The following WDPCP variants were observed in gnomAD, a reference collection of about 807,000 sequenced individuals.
The protein encoded by WDPCP is WD repeat containing planar cell polarity effector.
In WDPCP, 71 loss-of-function variants were observed where a neutral mutation model predicts 93.1. The ratio of observed to expected loss-of-function variants is 0.76; its 90% confidence interval spans 0.63 to 0.93. The LOEUF (loss-of-function observed/expected upper bound fraction) is 0.93. Ranked by LOEUF, WDPCP falls within the 40% of genes least tolerant of loss-of-function variation. The pLI, the probability that WDPCP is intolerant of heterozygous loss-of-function variation, is 0.00. For missense variants in WDPCP, 844 were observed against 887.4 expected (o/e 0.95, Z 0.62); for synonymous variants, 315 against 315.0 (o/e 1.00, Z 0.00).
At chr2:63,619,846 AG>A (rs1341893669) in intron 3 of WDPCP, among the ~76,000 whole-genome samples, 3 of 152,156 alleles carry the variant, frequency 2.0e-5, no homozygotes, top group African/African-American at 7.2e-5. Context: ...GGGACTGGTT[AG>A]ACAGTGGGTG....
intron 10 of WDPCP, among the ~76,000 whole-genome samples, chr2:63,400,103 A>C (rs1005343504): frequency 2.0e-5 from 3 of 152,226 alleles, no homozygotes; most frequent in African/African-American, 4.8e-5. Context: ...CATAATGTAC[A>C]TTAATTAAAA....
chr2:63,296,462 A>G (rs1041693482), intron 13 of WDPCP, among the ~76,000 whole-genome samples: 1 of 152,196 alleles, frequency 6.6e-6, no homozygotes, highest in Non-Finnish European at 1.5e-5. Flanking sequence ...CAGGCAAGAG[A>G]AAGAAATAAA....
chr2:63,818,618 A>T (rs999476438), intron 1 of WDPCP, among the ~76,000 whole-genome samples: 1 of 152,248 alleles, frequency 6.6e-6, no homozygotes, highest in Non-Finnish European at 1.5e-5. Flanking sequence ...CTTAGCAATG[A>T]AAATGATCTA....
At chr2:63,558,799 C>T (rs1005352729) in intron 1 of WDPCP, among the ~76,000 whole-genome samples, 21 of 139,044 alleles carry the variant, frequency 1.5e-4, no homozygotes, top group African/African-American at 4.9e-4. Flanking sequence ...AATGGCCTAC[C>T]AACCAAAAAA....
At chr2:63,662,014 G>A (rs957707436) in intron 2 of WDPCP, among the ~76,000 whole-genome samples, 3 of 152,114 alleles carry the variant, frequency 2.0e-5, no homozygotes, top group African/African-American at 7.2e-5. Context: ...AAGGTAAGAG[G>A]GGAAGCATAA....
intron 2 of WDPCP, among the ~76,000 whole-genome samples, chr2:63,769,503 AC>A (rs978565450): frequency 6.6e-6 from 1 of 152,006 alleles, no homozygotes; most frequent in African/African-American, 2.4e-5. Context: ...ACCAAAATGG[AC>A]CATATTCTGG....
chr2:63,812,747 T>C (rs1034410478), intron 2 of WDPCP, among the ~76,000 whole-genome samples: 1 of 152,272 alleles, frequency 6.6e-6, no homozygotes, highest in Non-Finnish European at 1.5e-5. Context: ...TGGTAATTTG[T>C]TACATGGCAA....
chr2:63,680,831 G>C (rs1290743409), intron 2 of WDPCP, among the ~76,000 whole-genome samples: 1 of 152,172 alleles, frequency 6.6e-6, no homozygotes, highest in Non-Finnish European at 1.5e-5. Context: ...AGAGGACTTT[G>C]TCTTGAATCT....
At chr2:63,126,666 G>GTTTTTTTTT (rs763749429) in intron 17 of WDPCP, among the ~76,000 whole-genome samples, 9 of 98,114 alleles carry the variant, frequency 9.2e-5, no homozygotes, top group Admixed American at 2.4e-4. Flanking sequence ...CTTGTTTTGT[G>GTTTTTTTTT]TTTTTTTTTT....
intron 14 of WDPCP, among the ~76,000 whole-genome samples, chr2:63,212,449 C>A (rs570955223): frequency 7.9e-5 from 12 of 152,270 alleles, no homozygotes; most frequent in African/African-American, 2.4e-4. Flanking sequence ...GCCTGCCTTA[C>A]AAGAGCTCCT....
intron 1 of WDPCP, among the ~76,000 whole-genome samples, chr2:63,550,240 C>CACACACACACA (rs1705505481): frequency 7.3e-6 from 1 of 136,872 alleles, no homozygotes; most frequent in Non-Finnish European, 1.6e-5. Context: ...CACACACACA[C>CACACACACACA]CCTTCCTCTA....
At chr2:63,575,160 A>G (rs1707824958) in intron 1 of WDPCP, among the ~76,000 whole-genome samples, 1 of 151,694 alleles carries the variant, frequency 6.6e-6, no homozygotes, top group Admixed American at 6.6e-5. Context: ...AACTACCATA[A>G]CAAAACAGAC....
chr2:63,259,231 T>A lies in WDPCP; in HGVS notation c.1915+76A>T, dbSNP rs903187228. On this transcript the variant is annotated intron_variant, in intron 14 of 17. Coordinates refer to ENST00000272321, the MANE Select transcript of WDPCP (RefSeq NM_015910.7). ...AAGTAATTCAAATTAACCATCCATG[T>A]CCTCCAAACATAAATAGAAATGATA... The A allele has an allele frequency of 5.6e-6, 7 of 1,247,070 alleles. No individual in the cohort carries two copies. In the Admixed American group the frequency reaches 8.5e-5, roughly 15 times the overall value. 77.3% of individuals were successfully genotyped at this position (1,247,070 alleles called of 1,614,324 possible).
chr2:63,677,443 T>C (rs567115912), intron 2 of WDPCP, among the ~76,000 whole-genome samples: 1 of 151,792 alleles, frequency 6.6e-6, no homozygotes, highest in Middle Eastern at 3.4e-3. Context: ...AAAATAGCTA[T>C]ACAAACAGAA....
intron 17 of WDPCP, among the ~76,000 whole-genome samples, chr2:63,134,804 T>A (rs1670508717): frequency 6.6e-6 from 1 of 152,188 alleles, no homozygotes; most frequent in Non-Finnish European, 1.5e-5. Flanking sequence ...GTATCTCAGT[T>A]AAGGTCCATT....
intron 1 of WDPCP, among the ~76,000 whole-genome samples, chr2:63,514,833 AT>A (rs1206204956): frequency 6.6e-6 from 1 of 152,166 alleles, no homozygotes; most frequent in Admixed American, 6.5e-5. Flanking sequence ...GAGGGTTTAT[AT>A]TTTAAGACAG....
chr2:63,774,018 A>G (rs981711708), intron 2 of WDPCP, among the ~76,000 whole-genome samples: 1 of 152,158 alleles, frequency 6.6e-6, no homozygotes, highest in African/African-American at 2.4e-5. Context: ...TAGGGATTAT[A>G]TAAAATATTT....
chr2:63,521,143 A>G (rs1702900775), intron 1 of WDPCP, among the ~76,000 whole-genome samples: 1 of 152,228 alleles, frequency 6.6e-6, no homozygotes, highest in Admixed American at 6.5e-5. Context: ...CTATAAGGCA[A>G]CCACACCAAC....
chr2:63,625,720 C>T (rs182006659), intron 3 of WDPCP, among the ~76,000 whole-genome samples: 135 of 152,282 alleles, frequency 8.9e-4, no homozygotes, highest in African/African-American at 3.2e-3. Context: ...ATTCCATGCT[C>T]ATGGATGGGA....
Sources: allele counts gnomAD v4.1 joint callset (sites outside exome capture counted in the v4.1 genomes callset), GRCh38; gene constraint gnomAD v4.1.1; transcripts MANE v1.5; gene names NCBI Gene and HGNC (gene_info 2026-07-23, HGNC 2026-07-21).